Variants in SLC16A10 observed in about 807,000 individuals in gnomAD.
SLC16A10 encodes solute carrier family 16 member 10.
In SLC16A10, 27 loss-of-function variants were observed where a neutral mutation model predicts 40.0. That is an observed-to-expected ratio of 0.67 (90% CI 0.50 to 0.93). The LOEUF is 0.93. Among genes scored for constraint, SLC16A10 ranks in the 40% least tolerant of loss-of-function variants. The pLI, the probability that SLC16A10 is intolerant of heterozygous loss-of-function variation, is 0.00. For synonymous variants in SLC16A10, 213 were observed against 249.8 expected (o/e 0.85, Z 1.39); for missense variants, 529 against 658.2 (o/e 0.80, Z 2.15).
chr6:111,172,918 T>G, intron 2 of SLC16A10, 79 bp downstream of exon 2: 1 of 1,509,916 alleles, frequency 6.6e-7, no homozygotes, highest in Non-Finnish European at 9.0e-7. Flanking sequence ...ACTATGCTAT[T>G]TACAAGCAAA....
At position 111,087,671 on chromosome 6, in the gene SLC16A10, G is replaced by A. The variant is rs1321577126; in HGVS notation, c.-82G>A. On this transcript the variant is annotated 5_prime_UTR_variant, in exon 1 of 6. Transcript: ENST00000368851. ...CGCCTCGGCCTCGTTAGCCCGCCAG[G>A]AGCCCCGCAGCTCCTCCGGGAGCCC... 7 of 832,520 alleles carry A rather than the reference G, an allele frequency of 8.4e-6. No homozygotes were observed. In the African/African-American group the frequency reaches 1.3e-4, roughly 15 times the overall value. 51.6% of individuals were successfully genotyped at this position (832,520 alleles called of 1,614,324 possible). A position where few individuals can be genotyped will look rare whatever the true frequency, so the allele number is the denominator to read the frequency against.
intron 3 of SLC16A10, among the ~76,000 whole-genome samples, chr6:111,197,162 A>T (rs1773092829): frequency 6.6e-6 from 1 of 152,222 alleles, no homozygotes; most frequent in East Asian, 1.9e-4. Context: ...CTTAGGATTA[A>T]TAAAAAAAGA....
At chr6:111,220,878 C>A (rs1414468845) in intron 5 of SLC16A10, among the ~76,000 whole-genome samples, 2 of 152,166 alleles carry the variant, frequency 1.3e-5, no homozygotes, top group Non-Finnish European at 2.9e-5. Context: ...TGCTGGCTCA[C>A]CAGGAGGCTC....
At position 111,222,657 on chromosome 6, in the gene SLC16A10, C is replaced by T. The variant is rs73532731; in HGVS notation, c.*422C>T. 1,830 of 163,994 alleles carry T rather than the reference C, an allele frequency of 0.011. 26 individuals carry two copies. The highest frequency in any genetic ancestry group is 0.042 in the African/African-American group (1,757 of 41,618). The allele number at this position is 163,994 out of a possible 1,614,324, so 10.2% of individuals were successfully genotyped here. A position where few individuals can be genotyped will look rare whatever the true frequency, so the allele number is the denominator to read the frequency against. On this transcript the variant is annotated 3_prime_UTR_variant, in exon 6 of 6. Coordinates refer to ENST00000368851, the MANE Select transcript of SLC16A10 (RefSeq NM_018593.5). ...GGTACCTCTGTTTTACTTTCTTATG[C>T]TCTTTGGAAACTTTTTGCAAAATTT...
chr6:111,159,067 CAAAAAAAAAA>C (rs548809670), intron 1 of SLC16A10, among the ~76,000 whole-genome samples: 5 of 23,394 alleles, frequency 2.1e-4, no homozygotes, highest in South Asian at 1.8e-3. Context: ...GACCCTGACT[CAAAAAAAAAA>C]AAAAAAAAAA....
At position 111,207,023 on chromosome 6, in the gene SLC16A10, G is replaced by A. The variant is rs550373736; in HGVS notation, c.1086+288G>A. ...TTTGTATTTTTTTAGTAGAGATGGG[G>A]TTTCTCCATGTTGGTCAGGCTGGTC... On this transcript the variant is annotated intron_variant, in intron 4 of 5. Coordinates refer to ENST00000368851, the MANE Select transcript of SLC16A10 (RefSeq NM_018593.5). Among the ~76,000 whole-genome samples, 3 of 152,236 alleles carry A rather than the reference G, an allele frequency of 2.0e-5. No homozygotes were observed. In the East Asian group the frequency reaches 5.8e-4, roughly 29 times the overall value.
intron 3 of SLC16A10, among the ~76,000 whole-genome samples, chr6:111,199,090 G>T (rs1178094328): frequency 6.6e-6 from 1 of 152,198 alleles, no homozygotes; most frequent in Non-Finnish European, 1.5e-5. Flanking sequence ...ATTCAAACTT[G>T]CCAGGAACCA....
At chr6:111,218,308 T>G (rs767009063) in intron 4 of SLC16A10, among the ~76,000 whole-genome samples, 2 of 152,082 alleles carry the variant, frequency 1.3e-5, no homozygotes, top group Non-Finnish European at 2.9e-5. Context: ...GGCCAGGCGC[T>G]GTGGCTCATG....
intron 4 of SLC16A10, among the ~76,000 whole-genome samples, chr6:111,211,580 A>G (rs1773346985): frequency 6.6e-6 from 1 of 152,212 alleles, no homozygotes; most frequent in African/African-American, 2.4e-5. Context: ...GCTGCATTTC[A>G]AACAAGCCTG....
chr6:111,211,571 C>T (rs993981646), intron 4 of SLC16A10, among the ~76,000 whole-genome samples: 3 of 152,192 alleles, frequency 2.0e-5, no homozygotes, highest in African/African-American at 4.8e-5. Context: ...GGTGTGACAG[C>T]TGCATTTCAA....
Position 111,126,102 on chromosome 6 carries a change from C to T in SLC16A10, c.343+38007C>T, listed in dbSNP as rs370011300. ...TCATCATAAATGTCAGATTTATAAT[C>T]GATAGTGCCCATTTCTAAATTTATA... On this transcript the variant is annotated intron_variant, in intron 1 of 5. Transcript: ENST00000368851. Among the ~76,000 whole-genome samples, 35 of 152,206 alleles carry T rather than the reference C, an allele frequency of 2.3e-4. 1 individual carries two copies. Among genetic ancestry groups the T allele is most frequent in the African/African-American group, 7.9e-4 (33 of 41,530 alleles).
intron 1 of SLC16A10, among the ~76,000 whole-genome samples, chr6:111,146,564 A>T (rs972192213): frequency 2.0e-5 from 3 of 152,006 alleles, no homozygotes; most frequent in African/African-American, 7.2e-5. Context: ...GTGAAACCCC[A>T]TCTCTACTAA....
chr6:111,157,308 G>A (rs975872330), intron 1 of SLC16A10, among the ~76,000 whole-genome samples: 12 of 151,856 alleles, frequency 7.9e-5, no homozygotes, highest in African/African-American at 2.9e-4. Context: ...TTTTGAGATG[G>A]AGTCTTGTAC....
rs1770895509 is a variant in SLC16A10, at chr6:111,087,830, GGCCGCTCC to G, written c.84_91del (p.Pro29ArgfsTer29). 7.4e-7 allele frequency: 1 copy of G among 1,353,930 alleles called. No homozygotes were observed. The highest frequency in any genetic ancestry group is 9.4e-7 in the Non-Finnish European group (1 of 1,060,566). 83.9% of individuals were successfully genotyped at this position (1,353,930 alleles called of 1,614,324 possible). ...AGCCGCTCGGCCCCGCGCCCACGGG[GGCCGCTCC>G]GCCGCCCGGCCCGGGACCCTCGGAC... On this transcript the variant is annotated frameshift_variant, in exon 1 of 6. Transcript: ENST00000368851. LOFTEE classifies it high-confidence loss of function.
At chr6:111,103,907 A>G (rs1052159748) in intron 1 of SLC16A10, among the ~76,000 whole-genome samples, 2 of 152,206 alleles carry the variant, frequency 1.3e-5, no homozygotes, top group Non-Finnish European at 2.9e-5. Context: ...TAATCTATCC[A>G]GTAATCCTTT....
chr6:111,165,955 A>G (rs1562419322), intron 1 of SLC16A10, among the ~76,000 whole-genome samples: 1 of 152,204 alleles, frequency 6.6e-6, no homozygotes, highest in Non-Finnish European at 1.5e-5. Flanking sequence ...TGGAGACCTT[A>G]TTCAGTTTTT....
At chr6:111,187,147 G>C (rs1156822140) in intron 3 of SLC16A10, among the ~76,000 whole-genome samples, 3 of 152,068 alleles carry the variant, frequency 2.0e-5, no homozygotes, top group Admixed American at 6.6e-5. Context: ...TTTATTTCCC[G>C]CATTTCTTTT....
intron 1 of SLC16A10, among the ~76,000 whole-genome samples, chr6:111,155,671 G>A (rs1772258234): frequency 6.6e-6 from 1 of 152,200 alleles, no homozygotes; most frequent in South Asian, 2.1e-4. Flanking sequence ...AATAACCTGT[G>A]TGATAATGAA....
chr6:111,153,233 A>G (rs1772205210), intron 1 of SLC16A10, among the ~76,000 whole-genome samples: 1 of 152,172 alleles, frequency 6.6e-6, no homozygotes, highest in Non-Finnish European at 1.5e-5. Flanking sequence ...TGCACTGGCA[A>G]GAAATTATAA....
Sources: allele counts gnomAD v4.1 joint callset (sites outside exome capture counted in the v4.1 genomes callset), GRCh38; gene constraint gnomAD v4.1.1; transcripts MANE v1.5; gene names NCBI Gene and HGNC (gene_info 2026-07-23, HGNC 2026-07-21).